EML6: variants seen among roughly 807,000 people sequenced by gnomAD.
EML6 encodes EMAP like 6, also known as echinoderm microtubule-associated protein-like 6.
In EML6, 154 loss-of-function variants were observed where a neutral mutation model predicts 240.1. The ratio of observed to expected loss-of-function variants is 0.64; its 90% CI spans 0.56 to 0.73. The LOEUF (loss-of-function observed/expected upper bound fraction) is 0.73. Among genes scored for constraint, EML6 ranks in the 30% least tolerant of loss-of-function variants. The probability of loss-of-function intolerance (pLI) is 0.00; values close to 1 mark genes in which losing one functional copy is unlikely to be tolerated. For missense variants in EML6, 2,964 were observed against 2,474.6 expected, an observed-to-expected ratio of 1.20 and a Z score of -4.20; for synonymous variants, 1,148 against 899.0, an observed-to-expected ratio of 1.28 and a Z score of -4.95.
intron 26 of EML6, among the ~76,000 whole-genome samples, chr2:54,919,307 T>TAAAAGTTGGTGG (rs1674101618): frequency 6.7e-6 from 1 of 148,942 alleles, no homozygotes; most frequent in Non-Finnish European, 1.5e-5. Flanking sequence ...AAACTACACT[T>TAAAAGTTGGTGG]AAAAGTTGGT....
chr2:54,889,880 A>G (rs567859356), intron 17 of EML6, among the ~76,000 whole-genome samples: 123 of 152,352 alleles, frequency 8.1e-4, no homozygotes, highest in African/African-American at 2.8e-3. Context: ...GCACACACAA[A>G]TATGACGAAT....
intron 14 of EML6, chr2:54,867,570 A>T (rs1259308197): frequency 6.6e-6 from 1 of 152,214 alleles, no homozygotes; most frequent in African/African-American, 2.4e-5. Flanking sequence ...AGTTCGAGAC[A>T]TGGTGAAATC....
intron 2 of EML6, among the ~76,000 whole-genome samples, chr2:54,808,218 G>A (rs6545444): frequency 0.088 from 13,429 of 152,248 alleles, 729 homozygotes; most frequent in East Asian, 0.22. Context: ...GTACTGAAGT[G>A]CTAAGCGCAT....
At chr2:54,941,045 C>T (rs1241456843) in intron 28 of EML6, among the ~76,000 whole-genome samples, 2 of 152,194 alleles carry the variant, frequency 1.3e-5, no homozygotes, top group Admixed American at 6.5e-5. Context: ...TATAAGTAAT[C>T]CCAGTTTTCC....
At chr2:54,826,290 G>C (rs574623392) in intron 5 of EML6, among the ~76,000 whole-genome samples, 1 of 152,188 alleles carries the variant, frequency 6.6e-6, no homozygotes, top group African/African-American at 2.4e-5. Flanking sequence ...CTTATAACCT[G>C]AGGGGGGGCT....
In EML6 at chr2:54,971,987, C is replaced by A. The variant is rs1489118304; in HGVS notation, c.*1892C>A. On this transcript the variant is annotated 3_prime_UTR_variant, in exon 42 of 42. Coordinates refer to ENST00000356458, the MANE Select transcript of EML6 (RefSeq NM_001039753.4). ...CAAAGTATAAAACACATCACTTAAA[C>A]ATTTTATGTGTCAAATAAAATTTGA... The A allele has an allele frequency of 2.0e-5, 3 of 152,164 alleles. No individual in the cohort carries two copies. The highest frequency in any genetic ancestry group is 4.8e-5 in the African/African-American group (2 of 41,436). The allele number at this position is 152,164 out of a possible 1,614,324, so 9.4% of individuals were successfully genotyped here.
At chr2:54,954,962 C>T (rs1676162997) in intron 32 of EML6, among the ~76,000 whole-genome samples, 1 of 152,228 alleles carries the variant, frequency 6.6e-6, no homozygotes, top group Non-Finnish European at 1.5e-5. Flanking sequence ...ATCTCTGCAT[C>T]TTCCCATGGA....
chr2:54,905,379 A>C lies in EML6; in HGVS notation c.3409+1877A>C, dbSNP rs1033606034. Among the ~76,000 whole-genome samples the C allele has an allele frequency of 1.1e-4, 14 of 130,678 alleles. No homozygotes were observed. The East Asian group carries it at 1.4e-3, about 13-fold the overall frequency. The allele number at this position is 130,678 out of a possible 152,430, so 85.7% of individuals were successfully genotyped here. A position where few individuals can be genotyped will look rare whatever the true frequency, so the allele number is the denominator to read the frequency against. ...ACACACACACACACACACACACACA[A>C]AATACCTGATACAATACGTGAAATC... On this transcript the variant is annotated intron_variant, in intron 24 of 41. Coordinates refer to ENST00000356458, the MANE Select transcript of EML6 (RefSeq NM_001039753.4).
intron 2 of EML6, among the ~76,000 whole-genome samples, chr2:54,729,384 T>G (rs1408073071): frequency 6.6e-6 from 1 of 152,210 alleles, no homozygotes; most frequent in Non-Finnish European, 1.5e-5. Flanking sequence ...CTGTTTTCAT[T>G]TGTAAGCGTA....
chr2:54,862,596 AAAC>A (rs1205969996), intron 12 of EML6, among the ~76,000 whole-genome samples: 1 of 152,162 alleles, frequency 6.6e-6, no homozygotes, highest in African/African-American at 2.4e-5. Flanking sequence ...AATGGGCAGA[AAAC>A]ATGTTCAAGG....
chr2:54,968,410 A>G (rs556179016), intron 40 of EML6, 129 bp downstream of exon 40: 2 of 935,796 alleles, frequency 2.1e-6, no homozygotes, highest in Non-Finnish European at 3.2e-6. Context: ...GAAATATGGC[A>G]ATGAGTTTTT....
At chr2:54,831,225 G>A (rs1426850085) in intron 7 of EML6, among the ~76,000 whole-genome samples, 3 of 152,212 alleles carry the variant, frequency 2.0e-5, no homozygotes, top group East Asian at 1.9e-4. Context: ...TAAACGTTGG[G>A]GAGTACCAAC....
intron 3 of EML6, among the ~76,000 whole-genome samples, chr2:54,814,164 T>C (rs1667981050): frequency 6.6e-6 from 1 of 152,238 alleles, no homozygotes; most frequent in African/African-American, 2.4e-5. Context: ...TTCTAGACTT[T>C]TATCCGTTGT....
At chr2:54,817,638 A>G (rs1374936901) in intron 4 of EML6, among the ~76,000 whole-genome samples, 1 of 152,192 alleles carries the variant, frequency 6.6e-6, no homozygotes, top group Non-Finnish European at 1.5e-5. Flanking sequence ...CACTAATGAT[A>G]GCTGATGAGC....
At position 54,947,508 on chromosome 2, in the gene EML6, C is replaced by A. The variant is rs551484378; in HGVS notation, c.4005-1374C>A. Among the ~76,000 whole-genome samples the A allele has an allele frequency of 2.0e-5, 3 of 152,130 alleles. No homozygotes were observed. In the East Asian group the frequency reaches 5.8e-4, roughly 29 times the overall value. On this transcript the variant is annotated intron_variant, in intron 28 of 41. Coordinates refer to ENST00000356458, the MANE Select transcript of EML6 (RefSeq NM_001039753.4). ...TGTCTTCCCCTGCACACAAAAAGAA[C>A]CCCCGCAAGCCATTCGAGCAGGCAG...
At chr2:54,950,578 C>A (rs1573204131) in intron 29 of EML6, 72 bp from the exon 30 acceptor site, 1 of 1,512,184 alleles carries the variant, frequency 6.6e-7, no homozygotes. Context: ...GCTGCTCACG[C>A]AATGTGGGTG....
At chr2:54,939,014 T>C (rs6759673) in intron 28 of EML6, among the ~76,000 whole-genome samples, 22,414 of 152,228 alleles carry the variant, frequency 0.15, 2,211 homozygotes, top group African/African-American at 0.27. Context: ...ATTTCTGTTT[T>C]ATACACTGCT....
At chr2:54,958,021 T>C in intron 33 of EML6, 23 bp downstream of exon 33, 1 of 1,535,074 alleles carries the variant, frequency 6.5e-7, no homozygotes, top group East Asian at 2.5e-5. Context: ...AGATACTCCC[T>C]GAGAAGGGGA....
At chr2:54,884,829 C>T (rs1269518352) in intron 17 of EML6, among the ~76,000 whole-genome samples, 2 of 152,158 alleles carry the variant, frequency 1.3e-5, no homozygotes, top group African/African-American at 4.8e-5. Context: ...TCTCTAGTCT[C>T]TCTAAAGTAT....
Sources: allele counts gnomAD v4.1 joint callset (sites outside exome capture counted in the v4.1 genomes callset), GRCh38; gene constraint gnomAD v4.1.1; transcripts MANE v1.5; gene names NCBI Gene and HGNC (gene_info 2026-07-23, HGNC 2026-07-21).